The following PHACTR3 variants were observed in gnomAD, a reference collection of about 807,000 sequenced individuals.
PHACTR3 encodes the protein protein phosphatase 1, regulatory subunit 123.
Under a neutral mutation model 66.8 loss-of-function variants are expected in PHACTR3, and 16 were observed. The observed-to-expected ratio is 0.24, with a 90% confidence interval of 0.16 to 0.36. The LOEUF (loss-of-function observed/expected upper bound fraction) is 0.36. Among genes scored for constraint, PHACTR3 ranks in the 10% least tolerant of loss-of-function variants. The pLI, the probability that PHACTR3 is intolerant of heterozygous loss-of-function variation, is 1.00. For missense variants in PHACTR3, 647 were observed against 719.9 expected (o/e 0.90, Z 1.16); for synonymous variants, 323 against 292.1 (o/e 1.11, Z -1.08).
At chr20:59,845,676 ATTAGTCACATCT>A (rs1301928132) in intron 12 of PHACTR3, among the ~76,000 whole-genome samples, 9 of 152,262 alleles carry the variant, frequency 5.9e-5, no homozygotes, top group African/African-American at 1.9e-4. Flanking sequence ...ATCGTAAATT[ATTAGTCACATCT>A]TTAACACAGC....
chr20:59,581,965 G>A (rs1365274611), intron 1 of PHACTR3, among the ~76,000 whole-genome samples: 1 of 151,894 alleles, frequency 6.6e-6, no homozygotes, highest in African/African-American at 2.4e-5. Context: ...CTCCAGCTCA[G>A]GGGATAAGTT....
chr20:59,676,050 G>A (rs187563927), intron 1 of PHACTR3, among the ~76,000 whole-genome samples: 9 of 152,314 alleles, frequency 5.9e-5, no homozygotes, highest in Admixed American at 1.3e-4. Flanking sequence ...GGTCCCTTGG[G>A]ACTTGGCTCC....
intron 8 of PHACTR3, among the ~76,000 whole-genome samples, chr20:59,810,613 GATTTCCTTTTTTTA>G (rs1239765745): frequency 6.6e-6 from 1 of 152,188 alleles, no homozygotes; most frequent in Non-Finnish European, 1.5e-5. Context: ...GAACATTTGC[GATTTCCTTTTTTTA>G]ATTTCCAGAA....
intron 1 of PHACTR3, among the ~76,000 whole-genome samples, chr20:59,686,028 T>C (rs2036849139): frequency 6.6e-6 from 1 of 152,202 alleles, no homozygotes; most frequent in Non-Finnish European, 1.5e-5. Flanking sequence ...GACTGTTTCA[T>C]TCATGTGGCA....
intron 1 of PHACTR3, among the ~76,000 whole-genome samples, chr20:59,717,378 G>C (rs1055064590): frequency 5.3e-5 from 8 of 152,190 alleles, no homozygotes; most frequent in African/African-American, 1.9e-4. Flanking sequence ...TGCTAAACTA[G>C]AATATACACA....
At chr20:59,590,647 G>A (rs887707238) in intron 1 of PHACTR3, among the ~76,000 whole-genome samples, 1 of 152,292 alleles carries the variant, frequency 6.6e-6, no homozygotes, top group Non-Finnish European at 1.5e-5. Flanking sequence ...AGCTCTACTG[G>A]TTCCTGTCTT....
At chr20:59,578,063 C>A (rs927166) in intron 1 of PHACTR3, among the ~76,000 whole-genome samples, 77,686 of 152,112 alleles carry the variant, frequency 0.51, 23,573 homozygotes, top group African/African-American at 0.82. Context: ...GCTTGATCGC[C>A]CTTCTTCCCC....
In PHACTR3 at chr20:59,658,603, T is replaced by A. The variant is rs138405669; in HGVS notation, c.118+53471T>A. Among the ~76,000 whole-genome samples, 17 of 152,326 alleles carry A rather than the reference T, an allele frequency of 1.1e-4. No homozygotes were observed. In the East Asian group the frequency reaches 3.1e-3, roughly 28 times the overall value. On this transcript the variant is annotated intron_variant, in intron 1 of 12. Coordinates refer to ENST00000371015, the MANE Select transcript of PHACTR3 (RefSeq NM_080672.5). Reference sequence around the variant, plus strand: ...AGTCACCTTGAGATGATAGTAGTTTTAGCATGTGTCTCTTTGACTTCTCTC... The same window carrying A: ...AGTCACCTTGAGATGATAGTAGTTTAAGCATGTGTCTCTTTGACTTCTCTC...
At chr20:59,752,193 T>C (rs1372446471) in intron 3 of PHACTR3, among the ~76,000 whole-genome samples, 1 of 152,226 alleles carries the variant, frequency 6.6e-6, no homozygotes, top group African/African-American at 2.4e-5. Context: ...TCTGCACGTG[T>C]GCACACACAT....
intron 3 of PHACTR3, among the ~76,000 whole-genome samples, chr20:59,751,836 C>T (rs990211941): frequency 1.3e-5 from 2 of 152,068 alleles, no homozygotes; most frequent in Non-Finnish European, 2.9e-5. Flanking sequence ...TCCTTCCACC[C>T]TCGTCTCGGA....
At chr20:59,702,756 T>C (rs1464957916) in intron 1 of PHACTR3, among the ~76,000 whole-genome samples, 1 of 151,198 alleles carries the variant, frequency 6.6e-6, no homozygotes, top group African/African-American at 2.4e-5. Flanking sequence ...CTCAAGTTGA[T>C]GGCTTTCCAT....
intron 8 of PHACTR3, among the ~76,000 whole-genome samples, chr20:59,822,130 G>C (rs1330336949): frequency 1.0e-3 from 14 of 13,584 alleles, no homozygotes; most frequent in East Asian, 5.9e-3. Flanking sequence ...CACCCCCTCC[G>C]CAGCGATCCC....
intron 1 of PHACTR3, among the ~76,000 whole-genome samples, chr20:59,741,714 C>T (rs2039167459): frequency 6.6e-6 from 1 of 152,016 alleles, no homozygotes; most frequent in African/African-American, 2.4e-5. Flanking sequence ...TCCCTCTCTC[C>T]CCCGCCTGCC....
chr20:59,584,256 G>A (rs2032950868), intron 1 of PHACTR3, among the ~76,000 whole-genome samples: 1 of 152,084 alleles, frequency 6.6e-6, no homozygotes, highest in Admixed American at 6.6e-5. Context: ...TTGTGTGTGT[G>A]TATGCATGTG....
intron 8 of PHACTR3, among the ~76,000 whole-genome samples, chr20:59,812,192 G>A (rs1220702157): frequency 6.6e-6 from 1 of 152,234 alleles, no homozygotes; most frequent in East Asian, 1.9e-4. Context: ...GAAGAGAGAG[G>A]AATAGGGTAG....
intron 7 of PHACTR3, among the ~76,000 whole-genome samples, chr20:59,799,112 G>A (rs1469490847): frequency 6.6e-6 from 1 of 151,402 alleles, no homozygotes; most frequent in Non-Finnish European, 1.5e-5. Context: ...TTTTGTTATT[G>A]ATTGCCAATT....
At chr20:59,672,769 A>C (rs902093776) in intron 1 of PHACTR3, among the ~76,000 whole-genome samples, 4 of 152,138 alleles carry the variant, frequency 2.6e-5, no homozygotes, top group Non-Finnish European at 4.4e-5. Context: ...CTCATCCACG[A>C]GTCAGGTTAA....
chr20:59,846,878 G>T (rs184089647), intron 12 of PHACTR3, among the ~76,000 whole-genome samples: 82 of 152,242 alleles, frequency 5.4e-4, no homozygotes, highest in African/African-American at 1.9e-3. Flanking sequence ...TAACTCACAG[G>T]TTTAAAACTA....
chr20:59,602,191 G>A (rs546742824), upstream of PHACTR3, among the ~76,000 whole-genome samples: 37 of 152,306 alleles, frequency 2.4e-4, no homozygotes, highest in Admixed American at 1.0e-3. Flanking sequence ...GTGGACTCAG[G>A]TATTGAGTTA....
Sources: allele counts gnomAD v4.1 joint callset (sites outside exome capture counted in the v4.1 genomes callset), GRCh38; gene constraint gnomAD v4.1.1; transcripts MANE v1.5; gene names NCBI Gene and HGNC (gene_info 2026-07-23, HGNC 2026-07-21).